MEIS1: variants seen among roughly 807,000 people sequenced by gnomAD.
MEIS1 encodes homeobox protein Meis1.
In MEIS1, 5 loss-of-function variants were observed where a neutral mutation model predicts 50.8. The observed-to-expected ratio is 0.10, with a 90% CI of 0.05 to 0.21. The LOEUF is 0.21. Ranked by LOEUF, MEIS1 falls within the 10% of genes least tolerant of loss-of-function variation. The probability of loss-of-function intolerance (pLI) is 1.00; values close to 1 mark genes in which losing one functional copy is unlikely to be tolerated. For synonymous variants in MEIS1, 176 were observed against 179.3 expected (o/e 0.98, Z 0.15); for missense variants, 318 against 517.3 (o/e 0.61, Z 3.74).
At chr2:66,480,600 C>T (rs890007843) in intron 7 of MEIS1, among the ~76,000 whole-genome samples, 1 of 151,684 alleles carries the variant, frequency 6.6e-6, no homozygotes, top group Non-Finnish European at 1.5e-5. Context: ...TTTCAAAGTG[C>T]AAATTTCCTC....
chr2:66,478,396 G>A (rs565185222), intron 7 of MEIS1, among the ~76,000 whole-genome samples: 15 of 152,270 alleles, frequency 9.9e-5, no homozygotes, highest in East Asian at 3.9e-4. Context: ...GCCATAGTCC[G>A]TAGATTTAAT....
At chr2:66,567,598 TAAAC>T in intron 10 of MEIS1, 87 bp downstream of exon 10, 1 of 1,246,324 alleles carries the variant, frequency 8.0e-7, no homozygotes, top group South Asian at 1.2e-5. Flanking sequence ...ACCTGGTAAA[TAAAC>T]TGGGAGTGAG....
intron 4 of MEIS1, 38 bp downstream of exon 4, chr2:66,440,650 C>T: frequency 8.2e-7 from 1 of 1,217,376 alleles, no homozygotes; most frequent in East Asian, 3.7e-5. Flanking sequence ...CCGCCCCCGA[C>T]CCCCTACCTC....
chr2:66,475,224 T>TTATTTTATAAATATGTA (rs1672863587), intron 7 of MEIS1, among the ~76,000 whole-genome samples: 1 of 146,798 alleles, frequency 6.8e-6, no homozygotes, highest in African/African-American at 2.5e-5. Flanking sequence ...ATATGTATAT[T>TTATTTTATAAATATGTA]TATAAAAATA....
chr2:66,532,439 C>A (rs1349857938), intron 8 of MEIS1, among the ~76,000 whole-genome samples: 2 of 151,710 alleles, frequency 1.3e-5, no homozygotes, highest in Non-Finnish European at 2.9e-5. Flanking sequence ...GGAACAATCA[C>A]AAGGCCCTCT....
Position 66,572,409 on chromosome 2 carries a change from T to A in MEIS1, c.*1201T>A, listed in dbSNP as rs1373993875. ...TTTCATAGTCCCACCTTGGAGCATTTATGTAGACATTGTAAATAAATTTTG... is the reference window on the plus strand; with the variant it reads ...TTTCATAGTCCCACCTTGGAGCATTAATGTAGACATTGTAAATAAATTTTG... On this transcript the variant is annotated 3_prime_UTR_variant, in exon 13 of 13. Transcript: ENST00000272369. 1 of 152,226 alleles carries A rather than the reference T, an allele frequency of 6.6e-6. No homozygotes were observed. The highest frequency in any genetic ancestry group is 1.5e-5 in the Non-Finnish European group (1 of 68,040). 9.4% of individuals were successfully genotyped at this position (152,226 alleles called of 1,614,324 possible).
In MEIS1 at chr2:66,571,673, A is replaced by T. The variant is rs1675490569; in HGVS notation, c.*465A>T. On this transcript the variant is annotated 3_prime_UTR_variant, in exon 13 of 13. Transcript: ENST00000272369. Reference sequence around the variant, plus strand: ...CATAGGGACCTTTAAAAAGCAGGAAATACCAACTGAAGTCAATTTGGGGGA... The same window carrying T: ...CATAGGGACCTTTAAAAAGCAGGAATTACCAACTGAAGTCAATTTGGGGGA... 2 of 916,214 alleles carry T rather than the reference A, an allele frequency of 2.2e-6. No individual in the cohort carries two copies. The highest frequency in any genetic ancestry group is 3.4e-5 in the South Asian group (2 of 59,470). The allele number at this position is 916,214 out of a possible 1,614,324, so 56.8% of individuals were successfully genotyped here.
At chr2:66,517,301 G>A (rs1673993523) in intron 8 of MEIS1, among the ~76,000 whole-genome samples, 2 of 152,158 alleles carry the variant, frequency 1.3e-5, no homozygotes, top group Admixed American at 1.3e-4. Flanking sequence ...CCTGAGACAA[G>A]GGAAGTGGCT....
At position 66,569,378 on chromosome 2, in the gene MEIS1, T is replaced by A. The variant is rs1425958459; in HGVS notation, c.*37+233T>A. 5.8e-5 allele frequency: 17 copies of A among 294,684 alleles called. No individual in the cohort carries two copies. In the South Asian group the frequency reaches 1.1e-3, roughly 19 times the overall value. 18.3% of individuals were successfully genotyped at this position (294,684 alleles called of 1,614,324 possible). A position where few individuals can be genotyped will look rare whatever the true frequency, so the allele number is the denominator to read the frequency against. ...TTGCTATTGTACAGTACTGACCACA[T>A]GACAAAACAAGAAGCAGTCAGGAGG... On this transcript the variant is annotated intron_variant, in intron 12 of 12. Transcript: ENST00000272369.
intron 7 of MEIS1, among the ~76,000 whole-genome samples, chr2:66,483,423 A>G (rs1047982815): frequency 8.5e-5 from 13 of 152,056 alleles, no homozygotes; most frequent in Admixed American, 8.5e-4. Flanking sequence ...AGAAATTGAG[A>G]ATCTAGTATT....
intron 8 of MEIS1, among the ~76,000 whole-genome samples, chr2:66,532,437 C>T (rs1228927304): frequency 6.6e-6 from 1 of 151,832 alleles, no homozygotes; most frequent in Non-Finnish European, 1.5e-5. Context: ...ATGGAACAAT[C>T]ACAAGGCCCT....
At chr2:66,456,235 T>TACACACACACACACAC (rs3220293) in intron 6 of MEIS1, among the ~76,000 whole-genome samples, 8,806 of 147,506 alleles carry the variant, frequency 0.06, 421 homozygotes, top group African/African-American at 0.13. Flanking sequence ...ATGATTTTTA[T>TACACACACACACACAC]ACACACACAC....
chr2:66,435,581 T>C lies in MEIS1; in HGVS notation c.-276T>C. ...TTCTTTTTTTTTTTTTAAACTGATT[T>C]TTGGGGGAGAGAAGATCTGCTTTTT... On this transcript the variant is annotated 5_prime_UTR_variant, in exon 1 of 13. Coordinates refer to ENST00000272369, the MANE Select transcript of MEIS1 (RefSeq NM_002398.3). 2 of 404,114 alleles carry C rather than the reference T, an allele frequency of 4.9e-6. No individual in the cohort carries two copies. The highest frequency in any genetic ancestry group is 4.4e-6 in the Non-Finnish European group (1 of 228,874). The allele number at this position is 404,114 out of a possible 1,614,324, so 25.0% of individuals were successfully genotyped here. A position where few individuals can be genotyped will look rare whatever the true frequency, so the allele number is the denominator to read the frequency against.
chr2:66,530,787 ATATGTAGGTTAGTG>A (rs1374179672), intron 8 of MEIS1, among the ~76,000 whole-genome samples: 7 of 152,314 alleles, frequency 4.6e-5, no homozygotes, highest in African/African-American at 1.4e-4. Flanking sequence ...TTGTGCCATC[ATATGTAGGTTAGTG>A]AACTCAAGAT....
rs1484402419 is a variant in MEIS1, at chr2:66,451,899, A to G, written c.630+8851A>G. Among the ~76,000 whole-genome samples the G allele has an allele frequency of 2.0e-5, 3 of 151,862 alleles. 1 individual carries two copies. The highest frequency in any genetic ancestry group is 4.4e-5 in the Non-Finnish European group (3 of 67,810). ...CAATATATAGCCTTCCTATATATTT[A>G]CTGCAATATTAAAATTTTTCTTCCT... On this transcript the variant is annotated intron_variant, in intron 6 of 12. Coordinates refer to ENST00000272369, the MANE Select transcript of MEIS1 (RefSeq NM_002398.3).
At chr2:66,566,278 TTTTTG>T (rs1288545265) in intron 9 of MEIS1, among the ~76,000 whole-genome samples, 3 of 152,200 alleles carry the variant, frequency 2.0e-5, no homozygotes, top group South Asian at 4.1e-4. Context: ...GAAGTATGCA[TTTTTG>T]TTTTGAAAAC....
At chr2:66,458,891 A>G (rs370880799) in intron 6 of MEIS1, among the ~76,000 whole-genome samples, 3 of 152,356 alleles carry the variant, frequency 2.0e-5, no homozygotes, top group Middle Eastern at 3.4e-3. Flanking sequence ...TTCCATATGT[A>G]TTACTTAAGT....
chr2:66,539,174 A>T (rs13407352), intron 8 of MEIS1, among the ~76,000 whole-genome samples: 3,561 of 152,248 alleles, frequency 0.023, 152 homozygotes, highest in African/African-American at 0.079. Context: ...GGTGTGGGCC[A>T]CCGTGCCTGG....
intron 8 of MEIS1, among the ~76,000 whole-genome samples, chr2:66,536,951 T>C (rs553124104): frequency 2.0e-4 from 30 of 152,234 alleles, no homozygotes; most frequent in Non-Finnish European, 4.1e-4. Context: ...ATCATTAAAA[T>C]GTGGTTTGTA....
Sources: gnomAD v4.1 joint callset for allele counts (sites outside exome capture counted in the v4.1 genomes callset) on GRCh38, gnomAD v4.1.1 for gene constraint, MANE v1.5 for transcripts, NCBI Gene and HGNC (gene_info 2026-07-23, HGNC 2026-07-21) for gene names.